Variants in EPB41 observed in about 807,000 individuals in gnomAD.
EPB41 encodes protein 4.1.
Under a neutral mutation model 108.0 loss-of-function variants are expected in EPB41, and 65 were observed. That is an observed-to-expected ratio of 0.60 (90% CI 0.49 to 0.74). The LOEUF (loss-of-function observed/expected upper bound fraction) is 0.74, where lower values mean the gene tolerates loss of function less well. Among genes scored for constraint, EPB41 ranks in the 30% least tolerant of loss-of-function variants. EPB41 has a pLI of 0.00. For missense variants in EPB41, 875 were observed against 1,037.0 expected (o/e 0.84, Z 2.15); for synonymous variants, 336 against 358.9 (o/e 0.94, Z 0.72).
chr1:28,979,650 A>G (rs1381478016), intron 1 of EPB41, among the ~76,000 whole-genome samples: 1 of 145,570 alleles, frequency 6.9e-6, no homozygotes, highest in East Asian at 1.9e-4. Context: ...CACTAAATCT[A>G]ATATAGCAAA....
At chr1:28,938,096 C>G (rs912667457) in intron 1 of EPB41, among the ~76,000 whole-genome samples, 2 of 152,176 alleles carry the variant, frequency 1.3e-5, no homozygotes, top group African/African-American at 4.8e-5. Flanking sequence ...GTCTTGATTA[C>G]TGTAGGTTTG....
chr1:28,992,966 A>G (rs1024557070), intron 2 of EPB41, among the ~76,000 whole-genome samples: 3 of 152,210 alleles, frequency 2.0e-5, no homozygotes, highest in African/African-American at 7.2e-5. Flanking sequence ...TTGTAAGGCT[A>G]CATTGCTAAA....
At chr1:29,047,416 A>ATTTTT (rs34287796) in intron 11 of EPB41, among the ~76,000 whole-genome samples, 1 of 133,868 alleles carries the variant, frequency 7.5e-6, no homozygotes, top group Non-Finnish European at 1.6e-5. Context: ...CGCCTGGCTA[A>ATTTTT]TTTTTTTTTT....
At chr1:28,917,256 G>A (rs2092746498) in intron 1 of EPB41, among the ~76,000 whole-genome samples, 1 of 151,682 alleles carries the variant, frequency 6.6e-6, no homozygotes, top group South Asian at 2.1e-4. Flanking sequence ...CTCTGTGTGT[G>A]TGTGTGTGTG....
chr1:29,015,048 T>TA (rs2096560169), intron 5 of EPB41, among the ~76,000 whole-genome samples: 2 of 152,102 alleles, frequency 1.3e-5, no homozygotes, highest in Non-Finnish European at 2.9e-5. Context: ...TCAGAGTATC[T>TA]CTGTCATTAA....
intron 1 of EPB41, among the ~76,000 whole-genome samples, chr1:28,891,863 C>T (rs967276827): frequency 3.1e-4 from 47 of 151,820 alleles, no homozygotes; most frequent in African/African-American, 1.0e-3. Context: ...CCAAGGTGGG[C>T]GGGTCACCTG....
chr1:29,016,389 A>G (rs912702002), intron 6 of EPB41, among the ~76,000 whole-genome samples: 1 of 137,074 alleles, frequency 7.3e-6, no homozygotes, highest in East Asian at 2.1e-4. Context: ...GGTTTTCGCC[A>G]TGTTGGCCAG....
intron 1 of EPB41, among the ~76,000 whole-genome samples, chr1:28,980,198 C>T (rs1013844645): frequency 6.6e-6 from 1 of 151,912 alleles, no homozygotes; most frequent in African/African-American, 2.4e-5. Context: ...ATTAGCCAGA[C>T]TTGGTGGTGC....
chr1:29,071,761 T>G (rs540423731), intron 16 of EPB41: 1 of 152,328 alleles, frequency 6.6e-6, no homozygotes, highest in Admixed American at 6.5e-5. Flanking sequence ...GAAGAAACCT[T>G]GCATGTAGCT....
Position 28,987,452 on chromosome 1 carries a change from G to C in EPB41, c.15G>C (p.Lys5Asn), listed in dbSNP as rs747044928. 6.2e-7 allele frequency: 1 copy of C among 1,614,102 alleles called. No individual in the cohort carries two copies. The highest frequency in any genetic ancestry group is 8.5e-7 in the Non-Finnish European group (1 of 1,179,998). The change falls in exon 2 of 21, where the codon AAG (lysine) becomes AAC (asparagine). Residue 5 changes from lysine (K) to asparagine (N), a missense_variant. Coordinates refer to ENST00000343067, the MANE Select transcript of EPB41 (RefSeq NM_001376013.1). Reference sequence around the variant, plus strand: ...ATAGCAACATCATGACAACAGAGAAGAGTTTAGTGACTGAGGCCGAAAATT... The same window carrying C: ...ATAGCAACATCATGACAACAGAGAACAGTTTAGTGACTGAGGCCGAAAATT... MTTEKSLVTEAENSQ... is the reference protein window; with the variant it reads MTTENSLVTEAENSQ...
intron 1 of EPB41, chr1:28,902,417 A>T: frequency 1.0e-6 from 1 of 981,306 alleles, no homozygotes; most frequent in Non-Finnish European, 1.2e-6. Flanking sequence ...TAGAGGATTG[A>T]GCTTTTTGTT....
At chr1:29,034,172 G>A (rs1428807346) in intron 9 of EPB41, among the ~76,000 whole-genome samples, 1 of 152,184 alleles carries the variant, frequency 6.6e-6, no homozygotes, top group Non-Finnish European at 1.5e-5. Context: ...CTAGCACAGA[G>A]CAGTCAGTGT....
At position 29,060,364 on chromosome 1, in the gene EPB41, C is replaced by T. The variant is rs559639277; in HGVS notation, c.1945-58C>T. The T allele has an allele frequency of 7.0e-6, 11 of 1,564,878 alleles. No homozygotes were observed. In the African/African-American group the frequency reaches 1.4e-4, roughly 19 times the overall value. ...TTTGCCAATTTTCAGTTTTTTCCCG[C>T]AAGAACAACATTTTAATTTTTTATG... On this transcript the variant is annotated intron_variant, in intron 14 of 20. Transcript: ENST00000343067.
At chr1:29,000,002 C>T (rs772158608) in intron 4 of EPB41, among the ~76,000 whole-genome samples, 3 of 152,146 alleles carry the variant, frequency 2.0e-5, no homozygotes, top group South Asian at 2.1e-4. Context: ...GTTGCTCAAG[C>T]TGGTCTTGAA....
In EPB41 at chr1:29,066,753, A is replaced by G. The variant is rs931024384; in HGVS notation, c.2184+1595A>G. 2.1e-4 allele frequency among the ~76,000 whole-genome samples: 32 copies of G among 151,974 alleles called. 1 individual carries two copies. The highest frequency in any genetic ancestry group is 7.2e-4 in the Admixed American group (11 of 15,252). Reference sequence around the variant, plus strand: ...CAATGGCACGATCTTGGCTCCCTGCAACCTCCACCTCCTGGCTTCAAGCGA... The same window carrying G: ...CAATGGCACGATCTTGGCTCCCTGCGACCTCCACCTCCTGGCTTCAAGCGA... On this transcript the variant is annotated intron_variant, in intron 16 of 20. Coordinates refer to ENST00000343067, the MANE Select transcript of EPB41 (RefSeq NM_001376013.1).
At chr1:29,016,744 A>G (rs2096584066) in intron 6 of EPB41, among the ~76,000 whole-genome samples, 1 of 152,024 alleles carries the variant, frequency 6.6e-6, no homozygotes, top group Non-Finnish European at 1.5e-5. Flanking sequence ...TATAAGTACT[A>G]CTGTGCATAT....
chr1:29,075,955 A>C (rs1484296740), intron 16 of EPB41, among the ~76,000 whole-genome samples: 1 of 152,212 alleles, frequency 6.6e-6, no homozygotes, highest in African/African-American at 2.4e-5. Context: ...TTGTTTCAAT[A>C]TCTCCTGAGA....
intron 18 of EPB41, among the ~76,000 whole-genome samples, chr1:29,110,675 C>T (rs1470049472): frequency 6.6e-6 from 1 of 152,188 alleles, no homozygotes; most frequent in African/African-American, 2.4e-5. Context: ...CAAGCTCTCT[C>T]ATCAATACAC....
intron 6 of EPB41, among the ~76,000 whole-genome samples, chr1:29,016,775 A>G (rs2096584290): frequency 6.6e-6 from 1 of 152,216 alleles, no homozygotes; most frequent in African/African-American, 2.4e-5. Context: ...GACATCTTGC[A>G]TAGGGTCTTA....
Sources: gnomAD v4.1 joint callset for allele counts (sites outside exome capture counted in the v4.1 genomes callset) on GRCh38, gnomAD v4.1.1 for gene constraint, MANE v1.5 for transcripts, NCBI Gene and HGNC (gene_info 2026-07-23, HGNC 2026-07-21) for gene names.